FGGY: variants seen among roughly 807,000 people sequenced by gnomAD.
FGGY encodes FGGY carbohydrate kinase domain-containing protein.
Under a neutral mutation model 71.3 loss-of-function variants are expected in FGGY, and 72 were observed. The ratio of observed to expected loss-of-function variants is 1.01; its 90% confidence interval spans 0.84 to 1.23. FGGY has a LOEUF of 1.23. Among genes scored for constraint, FGGY ranks in the 50% most tolerant of loss-of-function variants. The pLI, the probability that FGGY is intolerant of heterozygous loss-of-function variation, is 0.00. For synonymous variants in FGGY, 251 were observed against 250.3 expected (o/e 1.00, Z -0.02); for missense variants, 668 against 682.3 (o/e 0.98, Z 0.23).
At chr1:59,618,378 A>G (rs1045515545) in intron 9 of FGGY, among the ~76,000 whole-genome samples, 3 of 152,208 alleles carry the variant, frequency 2.0e-5, no homozygotes, top group Non-Finnish European at 1.5e-5. Flanking sequence ...TGTCAAGGTA[A>G]TCTGATCAAA....
intron 10 of FGGY, 157 bp downstream of exon 10, chr1:59,626,206 A>C: frequency 3.6e-6 from 2 of 560,862 alleles, no homozygotes; most frequent in Non-Finnish European, 3.2e-6. Flanking sequence ...AGATAGATGT[A>C]TTAATTCTTT....
intron 2 of FGGY, among the ~76,000 whole-genome samples, chr1:59,326,722 G>GT (rs1037947401): frequency 2.8e-4 from 42 of 148,880 alleles, no homozygotes; most frequent in South Asian, 8.5e-4. Flanking sequence ...CATTTGAAGT[G>GT]TTTTTTTTTT....
At chr1:59,613,244 G>A (rs554941706) in intron 9 of FGGY, among the ~76,000 whole-genome samples, 2 of 152,160 alleles carry the variant, frequency 1.3e-5, no homozygotes, top group Non-Finnish European at 2.9e-5. Flanking sequence ...CCACATAGTT[G>A]GAAGTAAAGA....
chr1:59,656,556 G>C (rs1387742595), intron 11 of FGGY, among the ~76,000 whole-genome samples: 1 of 152,220 alleles, frequency 6.6e-6, no homozygotes, highest in East Asian at 1.9e-4. Context: ...CAGATGAGAT[G>C]TCAAGGAAAC....
chr1:59,525,876 T>C (rs2153656090), intron 7 of FGGY, among the ~76,000 whole-genome samples: 1 of 152,374 alleles, frequency 6.6e-6, no homozygotes, highest in East Asian at 1.9e-4. Flanking sequence ...TTTATAAGTG[T>C]CTTCATACAC....
At chr1:59,561,427 G>A (rs911064528) in intron 8 of FGGY, among the ~76,000 whole-genome samples, 2 of 152,192 alleles carry the variant, frequency 1.3e-5, no homozygotes, top group Non-Finnish European at 2.9e-5. Context: ...ATGTGGTTCA[G>A]TGGACAATGA....
intron 5 of FGGY, among the ~76,000 whole-genome samples, chr1:59,381,257 A>G (rs2059398230): frequency 6.6e-6 from 1 of 152,004 alleles, no homozygotes; most frequent in Non-Finnish European, 1.5e-5. Flanking sequence ...TTGGCTTAGG[A>G]TTGTCTTGGC....
At chr1:59,538,223 GC>G in intron 7 of FGGY, among the ~76,000 whole-genome samples, 1 of 152,246 alleles carries the variant, frequency 6.6e-6, no homozygotes, top group East Asian at 1.9e-4. Context: ...CATTTATGCA[GC>G]CAAAACACAC....
chr1:59,494,848 G>A (rs2093983273), intron 6 of FGGY, among the ~76,000 whole-genome samples: 1 of 152,062 alleles, frequency 6.6e-6, no homozygotes, highest in Non-Finnish European at 1.5e-5. Flanking sequence ...ATTCCTTTGG[G>A]TATATACCTA....
chr1:59,507,260 G>T (rs1350825226), intron 6 of FGGY, among the ~76,000 whole-genome samples: 1 of 152,228 alleles, frequency 6.6e-6, no homozygotes, highest in Non-Finnish European at 1.5e-5. Flanking sequence ...TGTCTTCTGT[G>T]ATTGGCTGAG....
chr1:59,507,083 G>A (rs1345912021), intron 6 of FGGY, among the ~76,000 whole-genome samples: 3 of 152,200 alleles, frequency 2.0e-5, no homozygotes, highest in Non-Finnish European at 4.4e-5. Flanking sequence ...GGTTCAGAGA[G>A]ACTTTTGCTC....
intron 5 of FGGY, among the ~76,000 whole-genome samples, chr1:59,455,842 C>T (rs932972511): frequency 1.3e-5 from 2 of 152,188 alleles, no homozygotes; most frequent in African/African-American, 2.4e-5. Context: ...GATGAGTTTT[C>T]CCAACAGATG....
intron 8 of FGGY, among the ~76,000 whole-genome samples, chr1:59,601,596 G>A (rs1008201004): frequency 3.2e-4 from 49 of 152,242 alleles, no homozygotes; most frequent in Admixed American, 3.0e-3. Flanking sequence ...TCTATAGACT[G>A]TCAGGGTAAC....
intron 7 of FGGY, among the ~76,000 whole-genome samples, chr1:59,540,555 A>G (rs1439206407): frequency 1.3e-5 from 2 of 152,216 alleles, no homozygotes; most frequent in African/African-American, 4.8e-5. Context: ...CTGGCAAGGC[A>G]TGGTATTTGG....
At chr1:59,535,515 T>A (rs1404500615) in intron 7 of FGGY, among the ~76,000 whole-genome samples, 1 of 152,034 alleles carries the variant, frequency 6.6e-6, no homozygotes, top group Non-Finnish European at 1.5e-5. Context: ...CCACCCCAAA[T>A]CAACAGAATA....
At chr1:59,315,968 T>C (rs913617679) in intron 1 of FGGY, among the ~76,000 whole-genome samples, 1 of 152,248 alleles carries the variant, frequency 6.6e-6, no homozygotes, top group African/African-American at 2.4e-5. Context: ...TATTTATTGT[T>C]GGTAGAGCCC....
At chr1:59,473,407 C>CT (rs1435924027) in intron 6 of FGGY, among the ~76,000 whole-genome samples, 1 of 152,192 alleles carries the variant, frequency 6.6e-6, no homozygotes, top group Non-Finnish European at 1.5e-5. Context: ...GACACGCCAC[C>CT]TTTAAGAACT....
rs543025006 is a variant in FGGY at position 59,584,214 on chromosome 1, A to C, written c.904-23589A>C. 6.7e-4 allele frequency among the ~76,000 whole-genome samples: 100 copies of C among 149,634 alleles called. 9 individuals are homozygous for C. Among genetic ancestry groups the C allele is most frequent in the Middle Eastern group, 3.4e-3 (1 of 294 alleles). On this transcript the variant is annotated intron_variant, in intron 8 of 15. Coordinates refer to ENST00000303721, the MANE Select transcript of FGGY (RefSeq NM_018291.5). ...AAGCCTGGCAGAGACACAACAACAA[A>C]AAAAAAGAGAATTTTAGACCAATAT...
chr1:59,353,931 C>T (rs2053775635), intron 4 of FGGY, among the ~76,000 whole-genome samples: 1 of 151,930 alleles, frequency 6.6e-6, no homozygotes, highest in Non-Finnish European at 1.5e-5. Context: ...TACAGAGCAA[C>T]CAAGCAGTAA....
Sources: gnomAD v4.1 joint callset for allele counts (sites outside exome capture counted in the v4.1 genomes callset) on GRCh38, gnomAD v4.1.1 for gene constraint, MANE v1.5 for transcripts, NCBI Gene and HGNC (gene_info 2026-07-23, HGNC 2026-07-21) for gene names.